Variants in DNHD1 observed in about 807,000 individuals in gnomAD.
DNHD1 encodes dynein heavy chain domain 1.
A neutral mutation model predicts 458.1 loss-of-function variants in DNHD1; 383 were observed. The observed-to-expected ratio is 0.84, with a 90% confidence interval of 0.77 to 0.91. The LOEUF (loss-of-function observed/expected upper bound fraction) is 0.91, where lower values mean the gene tolerates loss of function less well. Ranked by LOEUF, DNHD1 falls within the 40% of genes least tolerant of loss-of-function variation. The probability of loss-of-function intolerance (pLI) is 0.00; values close to 1 mark genes in which losing one functional copy is unlikely to be tolerated. For missense variants in DNHD1, 5,336 were observed against 5,866.1 expected, an observed-to-expected ratio of 0.91 and a Z score of 2.95; for synonymous variants, 2,203 against 2,376.9, an observed-to-expected ratio of 0.93 and a Z score of 2.13.
intron 19 of DNHD1, 128 bp downstream of exon 19, chr11:6,544,374 C>A: frequency 2.5e-6 from 3 of 1,191,864 alleles, no homozygotes; most frequent in Non-Finnish European, 3.5e-6. Flanking sequence ...TCCTTCAGGG[C>A]TGTTTCTTGG....
At chr11:6,555,868 T>A (rs1245179368) in intron 24 of DNHD1, among the ~76,000 whole-genome samples, 5 of 152,194 alleles carry the variant, frequency 3.3e-5, no homozygotes, top group Admixed American at 3.3e-4. Context: ...CTAAATATCA[T>A]TGGGGTGGTG....
rs768287415 is a variant in DNHD1 at position 6,557,984 on chromosome 11, C to G, written c.8689C>G (p.Arg2897Gly). Residue 2897 changes from arginine to glycine, a missense_variant, in exon 25 of 43, where the codon CGC becomes GGC. Physicochemically the swap from Arg to Gly is moderately radical, Grantham distance 125. This residue lies in a region of DNHD1 where 3,932 missense variants were observed against 4,365.6 expected (regional missense o/e 0.90). Transcript: ENST00000254579. ...GCTCTCGGGGGCTCTGGGTACTGGG[C>G]GCCACACTGCCATCACTCTGGCTTC... is the stretch of plus-strand genomic sequence containing the variant. ...LLLSGALGTG[R>G]HTAITLASSI... The G allele has an allele frequency of 1.3e-6, 2 of 1,551,664 alleles. No homozygotes were observed. Among genetic ancestry groups the G allele is most frequent in the East Asian group, 4.9e-5 (2 of 40,920 alleles).
At position 6,555,210 on chromosome 11, in the gene DNHD1, G is replaced by GTC. The variant is rs368758962; in HGVS notation, c.7388-1463_7388-1462dup. Among the ~76,000 whole-genome samples, 605 of 117,330 alleles carry GTC rather than the reference G, an allele frequency of 5.2e-3. 3 individuals are homozygous for GTC. Among genetic ancestry groups the GTC allele is most frequent in the African/African-American group, 0.019 (573 of 30,272 alleles). The allele number at this position is 117,330 out of a possible 152,430, so 77.0% of individuals were successfully genotyped here. ...CTCCTCCCTCATTCCCTCTCTCTCT[G>GTC]TCTCTCTCTCTGTCTCTTTCTCTCT... On this transcript the variant is annotated intron_variant, in intron 24 of 42. Coordinates refer to ENST00000254579, the MANE Select transcript of DNHD1 (RefSeq NM_144666.3).
At chr11:6,535,323 T>C (rs1024454691) in intron 14 of DNHD1, among the ~76,000 whole-genome samples, 8 of 152,228 alleles carry the variant, frequency 5.3e-5, no homozygotes, top group African/African-American at 1.9e-4. Flanking sequence ...ACATTTGCTA[T>C]CTCTATCTGC....
Position 6,563,091 on chromosome 11 carries a change from G to C in DNHD1, c.9629G>C (p.Arg3210Pro). The C allele has an allele frequency of 1.9e-6, 3 of 1,551,674 alleles. No homozygotes were observed. The highest frequency in any genetic ancestry group is 2.6e-6 in the Non-Finnish European group (3 of 1,146,990). ...CTCATTGAGAACCTGGCCAGGCAACGGGATGCCCTGCAAGCTCAGCGAGAG... is the reference window on the plus strand; with the variant it reads ...CTCATTGAGAACCTGGCCAGGCAACCGGATGCCCTGCAAGCTCAGCGAGAG... Reference protein sequence around the residue: ...ENLIENLARQRDALQAQREAF... With the variant: ...ENLIENLARQPDALQAQREAF... The change falls in exon 29 of 43, where the codon CGG (arginine) becomes CCG (proline). Residue 3210 changes from arginine to proline, a missense_variant. By Grantham distance (103) the Arg-to-Pro change is moderately radical. This residue lies in a region of DNHD1 where 3,932 missense variants were observed against 4,365.6 expected (regional missense o/e 0.90). Coordinates refer to ENST00000254579, the MANE Select transcript of DNHD1 (RefSeq NM_144666.3).
At chr11:6,567,990 T>C (rs879269797) in intron 36 of DNHD1, 66 bp from the exon 37 acceptor site, 23 of 1,487,194 alleles carry the variant, frequency 1.5e-5, no homozygotes, top group Non-Finnish European at 2.0e-5. Flanking sequence ...GTAGCATTAG[T>C]TTGGGTCCCT....
chr11:6,539,823 C>A lies in DNHD1; in HGVS notation c.3421-53C>A, dbSNP rs967536818. 4 of 1,511,542 alleles carry A rather than the reference C, an allele frequency of 2.6e-6. No homozygotes were observed. The East Asian group carries it at 7.4e-5, about 28-fold the overall frequency. 93.6% of individuals were successfully genotyped at this position (1,511,542 alleles called of 1,614,324 possible). On this transcript the variant is annotated intron_variant, in intron 17 of 42. Transcript: ENST00000254579. ...CCAATCCCCAAGTCTCGGCTCCAAG[C>A]CTGTCCCCGAAGCAGTTACCCAGTC...
chr11:6,519,622 T>C lies in DNHD1; in HGVS notation c.1415T>C (p.Met472Thr), dbSNP rs1682125067. ...CAGGTTCACGAGGACACATACCACA[T>C]GCAACAGTGCCTACAGGAGCGAGTA... ...LRLVHEDTYH[M>T]QQCLQERVQN... Residue 472 changes from methionine to threonine, a missense_variant, in exon 8 of 43, where the codon ATG (methionine) becomes ACG (threonine). Coordinates refer to ENST00000254579, the MANE Select transcript of DNHD1 (RefSeq NM_144666.3). 1.9e-6 allele frequency: 3 copies of C among 1,614,018 alleles called. No individual in the cohort carries two copies. Among genetic ancestry groups the C allele is most frequent in the Non-Finnish European group, 2.5e-6 (3 of 1,180,022 alleles).
chr11:6,501,640 G>A (rs1852137807), intron 3 of DNHD1, among the ~76,000 whole-genome samples: 1 of 152,032 alleles, frequency 6.6e-6, no homozygotes, highest in Non-Finnish European at 1.5e-5. Context: ...AGCTCAGCAG[G>A]GCTTGCATGG....
At chr11:6,569,815 C>G (rs903843420) in intron 39 of DNHD1, among the ~76,000 whole-genome samples, 194 bp from the exon 40 acceptor site, 1 of 152,122 alleles carries the variant, frequency 6.6e-6, no homozygotes, top group African/African-American at 2.4e-5. Flanking sequence ...CTGGCGGTAC[C>G]TCTCACTGAA....
chr11:6,519,530 G>T (rs1852559939), intron 7 of DNHD1, 70 bp from the exon 8 acceptor site: 3 of 1,568,842 alleles, frequency 1.9e-6, no homozygotes, highest in South Asian at 1.2e-5. Context: ...CTGAGAGTTT[G>T]CACAGACTAG....
At chr11:6,533,261 T>A in intron 13 of DNHD1, 77 bp downstream of exon 13, 1 of 1,415,624 alleles carries the variant, frequency 7.1e-7, no homozygotes, top group Non-Finnish European at 9.6e-7. Context: ...TCTCTTCAGG[T>A]CTCTGCTGAG....
In DNHD1 at chr11:6,571,281, G is replaced by A. The variant is rs1356426560; in HGVS notation, c.13769G>A (p.Arg4590His). ...CACCTGTCAGCCTTTCGCCACCCGC[G>A]CCGCCTGCTGCTGGCATTGCGTGGG... ...VFHLSAFRHP[R>H]RLLLALRGEA... Residue 4590 changes from arginine (R) to histidine (H), a missense_variant, in exon 42 of 43, where the codon CGC becomes CAC. Physicochemically the swap from Arg to His is conservative, Grantham distance 29. This residue lies in a region of DNHD1 where 698 missense variants were observed against 664.9 expected (regional missense o/e 1.05). Coordinates refer to ENST00000254579, the MANE Select transcript of DNHD1 (RefSeq NM_144666.3). The surrounding 1 kb of genome is among the most constrained non-coding windows in gnomAD (Gnocchi z 5.0). 8 of 1,612,148 alleles carry A rather than the reference G, an allele frequency of 5.0e-6. No homozygotes were observed. Among genetic ancestry groups the A allele is most frequent in the Admixed American group, 1.7e-5 (1 of 59,918 alleles).
chr11:6,498,609 C>T lies in DNHD1; in HGVS notation c.394C>T (p.Gln132Ter), dbSNP rs1375316404. 1.2e-6 allele frequency: 2 copies of T among 1,614,232 alleles called. No homozygotes were observed. Among genetic ancestry groups the T allele is most frequent in the Admixed American group, 3.3e-5 (2 of 60,032 alleles). ...LHLDLLGAIV[Q>*]AFPPDSSLLD... ...TCTGGACCTGCTAGGTGCCATTGTCCAGGCCTTTCCTCCAGACAGCTCTTT... is the reference window on the plus strand; with the variant it reads ...TCTGGACCTGCTAGGTGCCATTGTCTAGGCCTTTCCTCCAGACAGCTCTTT... The change falls in exon 3 of 43, where the codon CAG becomes TAG. Residue 132 changes from glutamine (Q) to a stop codon, truncating the protein, a stop_gained. Coordinates refer to ENST00000254579, the MANE Select transcript of DNHD1 (RefSeq NM_144666.3). LOFTEE classifies it high-confidence loss of function.
In DNHD1 at chr11:6,526,008, G is replaced by A. The variant is rs1376970586; in HGVS notation, c.1838-2514G>A. ...TTTCAGAACAATTTTTCTGAATTACGGTTTTTAATATTTGTTCTCTTCCCT... is the reference window on the plus strand; with the variant it reads ...TTTCAGAACAATTTTTCTGAATTACAGTTTTTAATATTTGTTCTCTTCCCT... On this transcript the variant is annotated intron_variant, in intron 10 of 42. Coordinates refer to ENST00000254579, the MANE Select transcript of DNHD1 (RefSeq NM_144666.3). 6.7e-5 allele frequency among the ~76,000 whole-genome samples: 10 copies of A among 149,918 alleles called. No individual in the cohort carries two copies. In the South Asian group the frequency reaches 1.9e-3, roughly 29 times the overall value.
chr11:6,501,784 G>A (rs543971814), intron 3 of DNHD1, among the ~76,000 whole-genome samples: 4 of 152,276 alleles, frequency 2.6e-5, no homozygotes, highest in Admixed American at 6.5e-5. Context: ...TTGGTTTTGC[G>A]ATCTTCTGAA....
At chr11:6,540,864 A>G (rs1259144806) in intron 18 of DNHD1, among the ~76,000 whole-genome samples, 1 of 152,238 alleles carries the variant, frequency 6.6e-6, no homozygotes, top group Non-Finnish European at 1.5e-5. Context: ...CTAATGATGC[A>G]TACATAGTTT....
chr11:6,564,567 C>G lies in DNHD1; in HGVS notation c.10519C>G (p.Pro3507Ala). 1 of 1,551,764 alleles carries G rather than the reference C, an allele frequency of 6.4e-7. No homozygotes were observed. Among genetic ancestry groups the G allele is most frequent in the Non-Finnish European group, 8.7e-7 (1 of 1,146,998 alleles). ...PKNPLLATHS[P>A]FSILSLLSSE... ...GAACCCCCTGCTGGCTACACACTCTCCCTTCAGTATTCTGTCCTTGCTGAG... is the reference window on the plus strand; with the variant it reads ...GAACCCCCTGCTGGCTACACACTCTGCCTTCAGTATTCTGTCCTTGCTGAG... The change falls in exon 32 of 43, where the codon CCC becomes GCC. Residue 3507 changes from proline to alanine, a missense_variant. Around this residue, in one of 4 missense-constraint regions of DNHD1, gnomAD observed 3,932 missense variants for 4,365.6 expected, o/e 0.90. Coordinates refer to ENST00000254579, the MANE Select transcript of DNHD1 (RefSeq NM_144666.3).
At chr11:6,530,906 C>T (rs1852815850) in intron 12 of DNHD1, among the ~76,000 whole-genome samples, 1 of 151,950 alleles carries the variant, frequency 6.6e-6, no homozygotes, top group African/African-American at 2.4e-5. Flanking sequence ...CAACTAGTCT[C>T]TTTAAGAGGA....
Sources: gnomAD v4.1 joint callset for allele counts (sites outside exome capture counted in the v4.1 genomes callset) on GRCh38, gnomAD v4.1.1 for gene constraint, gnomAD v4.1.1 regional missense constraint, Gnocchi (gnomAD v3.1) non-coding constraint, MANE v1.5 for transcripts, NCBI Gene and HGNC (gene_info 2026-07-23, HGNC 2026-07-21) for gene names.